DNM3: variants seen among roughly 807,000 people sequenced by gnomAD.
DNM3 encodes dynamin-3.
A neutral mutation model predicts 101.6 loss-of-function variants in DNM3; 47 were observed. The observed-to-expected ratio is 0.46, with a 90% CI of 0.37 to 0.59. The LOEUF is 0.59. DNM3 is among the 20% of genes least tolerant of loss of function. The pLI is 0.00. For synonymous variants in DNM3, 385 were observed against 387.9 expected (o/e 0.99, Z 0.09); for missense variants, 849 against 1,085.7 (o/e 0.78, Z 3.06).
At chr1:172,232,840 C>T (rs765930874) in intron 14 of DNM3, among the ~76,000 whole-genome samples, 15 of 152,104 alleles carry the variant, frequency 9.9e-5, no homozygotes, top group Non-Finnish European at 1.6e-4. Context: ...TTGAAACCAA[C>T]GAGGACAAAG....
intron 2 of DNM3, among the ~76,000 whole-genome samples, chr1:171,975,437 T>C (rs1332352599): frequency 6.6e-6 from 1 of 152,228 alleles, no homozygotes; most frequent in Non-Finnish European, 1.5e-5. Flanking sequence ...TGGGACATCA[T>C]TGATAATAAA....
intron 2 of DNM3, among the ~76,000 whole-genome samples, chr1:171,932,716 A>G (rs994669610): frequency 2.6e-5 from 4 of 152,196 alleles, no homozygotes; most frequent in Non-Finnish European, 5.9e-5. Context: ...TTGGTAGATT[A>G]AAGCATTTTA....
At chr1:172,027,937 AC>A (rs1379214923) in intron 4 of DNM3, among the ~76,000 whole-genome samples, 1 of 152,158 alleles carries the variant, frequency 6.6e-6, no homozygotes, top group Admixed American at 6.5e-5. Flanking sequence ...GTTCCTAGAG[AC>A]CTACAAAGAG....
At chr1:172,313,136 C>T (rs1350324621) in intron 16 of DNM3, among the ~76,000 whole-genome samples, 1 of 152,174 alleles carries the variant, frequency 6.6e-6, no homozygotes, top group Non-Finnish European at 1.5e-5. Context: ...TTTTCCATTT[C>T]TATTTTCTAT....
At chr1:171,872,003 T>C (rs192739288) in intron 1 of DNM3, among the ~76,000 whole-genome samples, 2 of 152,030 alleles carry the variant, frequency 1.3e-5, no homozygotes, top group South Asian at 2.1e-4. Flanking sequence ...CCAGCCTCCA[T>C]GCAGACGAGC....
At chr1:172,277,282 A>G (rs746390906) in intron 15 of DNM3, among the ~76,000 whole-genome samples, 1 of 152,118 alleles carries the variant, frequency 6.6e-6, no homozygotes, top group Non-Finnish European at 1.5e-5. Flanking sequence ...ACTTTGCAAA[A>G]ACTCATATTT....
chr1:172,189,787 G>C (rs1202138844), intron 14 of DNM3, among the ~76,000 whole-genome samples: 1 of 151,992 alleles, frequency 6.6e-6, no homozygotes, highest in Non-Finnish European at 1.5e-5. Flanking sequence ...CACCATGGCA[G>C]AAGGTGAAAG....
intron 1 of DNM3, among the ~76,000 whole-genome samples, chr1:171,863,721 C>CAAG (rs2034425013): frequency 6.6e-6 from 1 of 152,158 alleles, no homozygotes; most frequent in African/African-American, 2.4e-5. Flanking sequence ...TAGAATGCAG[C>CAAG]AAGCCCTTTC....
Position 172,268,257 on chromosome 1 carries a change from C to T in DNM3, c.1769+14575C>T, listed in dbSNP as rs1047700063. Among the ~76,000 whole-genome samples, 6 of 146,146 alleles carry T rather than the reference C, an allele frequency of 4.1e-5. No individual in the cohort carries two copies. In the East Asian group the frequency reaches 6.0e-4, roughly 15 times the overall value. ...CCTGTTAAGGGGCTGGATAGGAATA[C>T]GTGTTCAGCAAGTCAGTAAAAAAAA... On this transcript the variant is annotated intron_variant, in intron 15 of 20. Transcript: ENST00000627582.
chr1:172,128,579 C>T (rs1395760355), intron 13 of DNM3, among the ~76,000 whole-genome samples: 1 of 152,122 alleles, frequency 6.6e-6, no homozygotes, highest in Non-Finnish European at 1.5e-5. Context: ...ATGTAAAATA[C>T]ATTTTGACAT....
chr1:172,232,519 C>T (rs1017132564), intron 14 of DNM3, among the ~76,000 whole-genome samples: 125 of 152,148 alleles, frequency 8.2e-4, no homozygotes, highest in Admixed American at 2.3e-3. Flanking sequence ...AACTGAACTC[C>T]GCTCTGCACC....
chr1:171,928,916 C>A (rs1298690655), intron 2 of DNM3, among the ~76,000 whole-genome samples: 1 of 152,202 alleles, frequency 6.6e-6, no homozygotes, highest in Non-Finnish European at 1.5e-5. Flanking sequence ...GGAGGTATCA[C>A]CAGTGAAGGC....
intron 2 of DNM3, among the ~76,000 whole-genome samples, chr1:171,961,326 C>T (rs2043197188): frequency 6.6e-6 from 1 of 152,090 alleles, no homozygotes; most frequent in Non-Finnish European, 1.5e-5. Flanking sequence ...ACAAGAGCAG[C>T]CATGAGGTCA....
intron 14 of DNM3, among the ~76,000 whole-genome samples, chr1:172,232,622 G>A (rs1337068354): frequency 2.0e-5 from 3 of 152,068 alleles, no homozygotes; most frequent in East Asian, 1.9e-4. Context: ...TTCCAAAATC[G>A]ACCACATAGT....
At chr1:172,057,718 C>T (rs200583956) in intron 10 of DNM3, among the ~76,000 whole-genome samples, 48,887 of 150,154 alleles carry the variant, frequency 0.33, 8,508 homozygotes, top group East Asian at 0.62. Context: ...AAGGAACAAC[C>T]GGTACCAGCC....
chr1:171,872,083 G>C (rs746617281), intron 1 of DNM3, among the ~76,000 whole-genome samples: 26 of 152,050 alleles, frequency 1.7e-4, no homozygotes, highest in Admixed American at 5.2e-4. Context: ...TGTGTAGGGA[G>C]AATTTGAGAG....
At chr1:172,163,382 G>T (rs1339178473) in intron 14 of DNM3, among the ~76,000 whole-genome samples, 1 of 151,828 alleles carries the variant, frequency 6.6e-6, no homozygotes, top group African/African-American at 2.4e-5. Flanking sequence ...GGGACTACAG[G>T]TGCATGCCAC....
At chr1:172,263,908 T>A (rs1290237524) in intron 15 of DNM3, among the ~76,000 whole-genome samples, 1 of 152,188 alleles carries the variant, frequency 6.6e-6, no homozygotes, top group Non-Finnish European at 1.5e-5. Flanking sequence ...ACAGAAGGAC[T>A]ATGTTAGAAA....
intron 11 of DNM3, among the ~76,000 whole-genome samples, chr1:172,078,038 C>A (rs2052810468): frequency 6.6e-6 from 1 of 151,970 alleles, no homozygotes; most frequent in Admixed American, 6.6e-5. Context: ...TGCATTGATC[C>A]CTTTACCATT....
Sources: allele counts gnomAD v4.1 joint callset (sites outside exome capture counted in the v4.1 genomes callset), GRCh38; gene constraint gnomAD v4.1.1; transcripts MANE v1.5; gene names NCBI Gene and HGNC (gene_info 2026-07-23, HGNC 2026-07-21).